The following B4GALNT3 variants were observed in gnomAD, a reference collection of about 807,000 sequenced individuals.
B4GALNT3 encodes the protein beta-1,4-N-acetyl-galactosaminyltransferase 3, also known as beta-1,4-N-acetylgalactosaminyltransferase 3.
A neutral mutation model predicts 120.2 loss-of-function variants in B4GALNT3; 86 were observed. The ratio of observed to expected loss-of-function variants is 0.72; its 90% CI spans 0.60 to 0.86. B4GALNT3 has a LOEUF of 0.86. Among genes scored for constraint, B4GALNT3 ranks in the 40% least tolerant of loss-of-function variants. The probability of loss-of-function intolerance (pLI) is 0.00; values close to 1 mark genes in which losing one functional copy is unlikely to be tolerated. For missense variants in B4GALNT3, 1,167 were observed against 1,298.9 expected, an observed-to-expected ratio of 0.90 and a Z score of 1.56; for synonymous variants, 518 against 510.4, an observed-to-expected ratio of 1.01 and a Z score of -0.20.
intron 1 of B4GALNT3, among the ~76,000 whole-genome samples, chr12:524,471 G>A (rs1207658931): frequency 6.6e-6 from 1 of 152,090 alleles, no homozygotes; most frequent in Non-Finnish European, 1.5e-5. Context: ...GGTGGGGAGA[G>A]GGCAGGGTGG....
At chr12:536,511 T>G (rs1013958507) in intron 3 of B4GALNT3, among the ~76,000 whole-genome samples, 1 of 152,198 alleles carries the variant, frequency 6.6e-6, no homozygotes, top group Non-Finnish European at 1.5e-5. Context: ...TTCAGTTAGT[T>G]TTTTGTTGTT....
At chr12:516,642 G>A (rs781634801) in intron 1 of B4GALNT3, among the ~76,000 whole-genome samples, 9 of 152,162 alleles carry the variant, frequency 5.9e-5, no homozygotes, top group Non-Finnish European at 1.2e-4. Flanking sequence ...GTGTAAACTG[G>A]GTCTTTCCCC....
rs1946004698 is a variant in B4GALNT3 at position 460,076 on chromosome 12, C to T, written c.-301C>T. ...AGGGCGGGCGCGCAGGGAGGGAGGG[C>T]GGCAGCGAGCCTGCGACGGGAGAGG... On this transcript the variant is annotated 5_prime_UTR_variant, in exon 1 of 20. Coordinates refer to ENST00000266383, the MANE Select transcript of B4GALNT3 (RefSeq NM_173593.4). This position sits in a 1 kb window ranked among gnomAD's most constrained non-coding sequence, Gnocchi z 8.0. 6.6e-6 allele frequency among the ~76,000 whole-genome samples: 1 copy of T among 150,912 alleles called. No homozygotes were observed. Among genetic ancestry groups the T allele is most frequent in the South Asian group, 2.1e-4 (1 of 4,826 alleles).
rs1044055354 is a variant in B4GALNT3, at chr12:460,676, G to A, written c.169+131G>A. On this transcript the variant is annotated intron_variant, in intron 1 of 19. Transcript: ENST00000266383. This position sits in a 1 kb window ranked among gnomAD's most constrained non-coding sequence, Gnocchi z 8.0. ...CCCATTTCTCCCTCAGGTGCCCGGC[G>A]TCGCCCCGCGCGTACTCGGGGAGAG... The A allele has an allele frequency of 1.5e-5, 15 of 969,160 alleles. No homozygotes were observed. Among genetic ancestry groups the A allele is most frequent in the Non-Finnish European group, 2.0e-5 (15 of 743,858 alleles). The allele number at this position is 969,160 out of a possible 1,614,324, so 60.0% of individuals were successfully genotyped here. A position where few individuals can be genotyped will look rare whatever the true frequency, so the allele number is the denominator to read the frequency against.
intron 4 of B4GALNT3, 149 bp downstream of exon 4, chr12:544,583 T>C (rs971357458): frequency 1.3e-6 from 1 of 746,026 alleles, no homozygotes; most frequent in Non-Finnish European, 2.2e-6. Flanking sequence ...AATAGTTCCC[T>C]TGTTTCCTTC....
At chr12:552,931 G>A (rs1301336722) in intron 13 of B4GALNT3, 7 of 531,436 alleles carry the variant, frequency 1.3e-5, no homozygotes, top group South Asian at 2.4e-5. Flanking sequence ...TGCACCTGCC[G>A]GGCATGTGAT....
Position 559,404 on chromosome 12 carries a change from C to T in B4GALNT3, c.2871C>T (p.Asp957=), listed in dbSNP as rs1947198372. 6.2e-7 allele frequency: 1 copy of T among 1,613,790 alleles called. No individual in the cohort carries two copies. Among genetic ancestry groups the T allele is most frequent in the African/African-American group, 1.3e-5 (1 of 74,892 alleles). ...TCCGAGACCGCTGGGGCGGGGAAGA[C>T]TGGGAGCTGCTGGACAGGTGACTGG... ...KEFRDRWGGE[D]WELLDRILQA... The change falls in exon 19 of 20, where the codon GAC becomes GAT. Residue 957 remains aspartate (D), a synonymous_variant. Coordinates refer to ENST00000266383, the MANE Select transcript of B4GALNT3 (RefSeq NM_173593.4).
intron 1 of B4GALNT3, among the ~76,000 whole-genome samples, chr12:472,394 C>T (rs1946144777): frequency 6.6e-6 from 1 of 152,100 alleles, no homozygotes; most frequent in Non-Finnish European, 1.5e-5. Flanking sequence ...AATCACCCCA[C>T]CTCAGCCTCC....
intron 1 of B4GALNT3, among the ~76,000 whole-genome samples, chr12:461,859 T>A (rs557413093): frequency 1.3e-5 from 2 of 152,300 alleles, no homozygotes; most frequent in East Asian, 3.9e-4. Flanking sequence ...TGCCACTAAC[T>A]AGCGGGGGAA....
chr12:468,542 C>A (rs1386977960), intron 1 of B4GALNT3, among the ~76,000 whole-genome samples: 1 of 152,206 alleles, frequency 6.6e-6, no homozygotes, highest in Admixed American at 6.5e-5. Flanking sequence ...ATCCTTGACA[C>A]TACCGAGAGA....
chr12:536,134 G>A (rs74056260), intron 2 of B4GALNT3, 84 bp from the exon 3 acceptor site: 3 of 1,135,370 alleles, frequency 2.6e-6, no homozygotes, highest in Admixed American at 3.5e-5. Context: ...GACGCCTCCT[G>A]GGAGCAGGCA....
chr12:557,838 G>T, intron 16 of B4GALNT3, 77 bp downstream of exon 16: 1 of 1,527,254 alleles, frequency 6.5e-7, no homozygotes, highest in Non-Finnish European at 8.8e-7. Context: ...GTCCAGGGTA[G>T]AGCCAGGAGT....
intron 1 of B4GALNT3, among the ~76,000 whole-genome samples, chr12:466,171 C>A (rs1382959871): frequency 1.3e-5 from 2 of 152,124 alleles, no homozygotes; most frequent in Non-Finnish European, 2.9e-5. Context: ...ATGGTTATAA[C>A]TGCTTTGTAG....
intron 1 of B4GALNT3, among the ~76,000 whole-genome samples, chr12:512,991 TCCTTCCACCTTCCACCTTCCG>T (rs1426959492): frequency 8.1e-6 from 1 of 122,932 alleles, no homozygotes; most frequent in Non-Finnish European, 1.8e-5. Context: ...CCTTCGATCT[TCCTTCCACCTTCCACCTTCCG>T]CCTTCCACCT....
At chr12:524,048 G>C (rs1946738247) in intron 1 of B4GALNT3, among the ~76,000 whole-genome samples, 2 of 152,168 alleles carry the variant, frequency 1.3e-5, no homozygotes, top group South Asian at 4.1e-4. Context: ...GCGACGGTGA[G>C]AGACTCCATC....
chr12:539,633 C>T (rs1038617524), intron 3 of B4GALNT3, among the ~76,000 whole-genome samples: 4 of 152,036 alleles, frequency 2.6e-5, no homozygotes, highest in Admixed American at 1.3e-4. Flanking sequence ...CAATTCAAGG[C>T]TGGGTGTGGT....
intron 1 of B4GALNT3, among the ~76,000 whole-genome samples, chr12:503,720 T>C (rs79389917): frequency 0.047 from 7,004 of 150,324 alleles, 275 homozygotes; most frequent in South Asian, 0.13. Context: ...TCTGTGAACC[T>C]GGGTGGACCT....
intron 1 of B4GALNT3, among the ~76,000 whole-genome samples, chr12:473,835 C>T (rs1346034292): frequency 3.3e-5 from 5 of 152,200 alleles, no homozygotes; most frequent in East Asian, 3.9e-4. Flanking sequence ...AGAGGATAAT[C>T]GCGTAAACAA....
intron 4 of B4GALNT3, 92 bp from the exon 5 acceptor site, chr12:544,790 C>T (rs990602413): frequency 2.8e-5 from 36 of 1,280,044 alleles, no homozygotes; most frequent in African/African-American, 2.4e-4. Flanking sequence ...TCCCTCCTGT[C>T]ATAGTCCCCT....
Sources: gnomAD v4.1 joint callset for allele counts (sites outside exome capture counted in the v4.1 genomes callset) on GRCh38, gnomAD v4.1.1 for gene constraint, Gnocchi (gnomAD v3.1) non-coding constraint, MANE v1.5 for transcripts, NCBI Gene and HGNC (gene_info 2026-07-23, HGNC 2026-07-21) for gene names.